MTUS2: variants seen among roughly 807,000 people sequenced by gnomAD.
MTUS2 encodes microtubule associated scaffold protein 2, also known as microtubule-associated tumor suppressor candidate 2.
MTUS2 carries 40 observed loss-of-function variants against 114.1 expected under a neutral mutation model. The ratio of observed to expected loss-of-function variants is 0.35; its 90% CI spans 0.27 to 0.46. MTUS2 has a LOEUF of 0.46. MTUS2 is among the 20% of genes least tolerant of loss of function. MTUS2 has a pLI of 1.00. For missense variants in MTUS2, 1,679 were observed against 1,705.4 expected (o/e 0.98, Z 0.27); for synonymous variants, 688 against 672.0 (o/e 1.02, Z -0.37).
At chr13:29,210,769 G>A (rs978330720) in intron 5 of MTUS2, among the ~76,000 whole-genome samples, 1 of 152,198 alleles carries the variant, frequency 6.6e-6, no homozygotes, top group African/African-American at 2.4e-5. Flanking sequence ...AGAGTCCTCT[G>A]ATGTCATCTG....
intron 2 of MTUS2, among the ~76,000 whole-genome samples, chr13:29,011,203 T>G (rs989970597): frequency 5.9e-5 from 9 of 152,182 alleles, no homozygotes; most frequent in African/African-American, 2.2e-4. Context: ...CTAAAGCGAT[T>G]TTTATATATT....
intron 2 of MTUS2, among the ~76,000 whole-genome samples, chr13:28,850,883 A>G (rs952184290): frequency 6.6e-6 from 1 of 152,110 alleles, no homozygotes; most frequent in Non-Finnish European, 1.5e-5. Context: ...ATTTACCTTG[A>G]TTTTTGCATT....
At chr13:29,034,413 T>C (rs1886969229) in intron 4 of MTUS2, among the ~76,000 whole-genome samples, 1 of 152,192 alleles carries the variant, frequency 6.6e-6, no homozygotes, top group Admixed American at 6.5e-5. Context: ...TTGTTTTCTG[T>C]CAAGGGCCAA....
At chr13:29,007,806 T>C (rs555792584) in intron 2 of MTUS2, among the ~76,000 whole-genome samples, 5 of 152,336 alleles carry the variant, frequency 3.3e-5, no homozygotes, top group South Asian at 4.1e-4. Flanking sequence ...ATACAAAATA[T>C]ATGGTAATCA....
intron 7 of MTUS2, among the ~76,000 whole-genome samples, chr13:29,356,031 G>T (rs1301371759): frequency 6.6e-6 from 1 of 152,150 alleles, no homozygotes; most frequent in Non-Finnish European, 1.5e-5. Flanking sequence ...GGTTCTGGCT[G>T]CCTGCATGGT....
At chr13:29,010,123 ATCGCTGGAAC>A (rs1006680063) in intron 2 of MTUS2, among the ~76,000 whole-genome samples, 15 of 151,552 alleles carry the variant, frequency 9.9e-5, no homozygotes, top group African/African-American at 3.6e-4. Flanking sequence ...AGGCAGGAGA[ATCGCTGGAAC>A]CCAGGAGGTG....
At chr13:29,325,373 T>A (rs1476900029) in intron 7 of MTUS2, among the ~76,000 whole-genome samples, 2 of 151,180 alleles carry the variant, frequency 1.3e-5, no homozygotes, top group Admixed American at 1.3e-4. Context: ...GGAGAATCAC[T>A]TGAACTCGAG....
intron 9 of MTUS2, among the ~76,000 whole-genome samples, chr13:29,451,554 G>A (rs1380225499): frequency 6.6e-6 from 1 of 151,836 alleles, no homozygotes; most frequent in Non-Finnish European, 1.5e-5. Flanking sequence ...TTTGAAAGAA[G>A]GTTTAGATTT....
Position 28,985,163 on chromosome 13 carries a change from A to G in MTUS2, c.-242-39294A>G, listed in dbSNP as rs577204106. 1.2e-4 allele frequency among the ~76,000 whole-genome samples: 18 copies of G among 152,392 alleles called. No homozygotes were observed. In the South Asian group the frequency reaches 3.1e-3, roughly 26 times the overall value. On this transcript the variant is annotated intron_variant, in intron 2 of 15. Transcript: ENST00000612955. Reference sequence around the variant, plus strand: ...CTGAGAGAACTATATGTCAGTGTCCAGAAATATATATGGACATTCCCAGAT... The same window carrying G: ...CTGAGAGAACTATATGTCAGTGTCCGGAAATATATATGGACATTCCCAGAT...
chr13:29,140,981 A>AG lies in MTUS2; in HGVS notation c.2644+40015dup, dbSNP rs960213470. Among the ~76,000 whole-genome samples the AG allele has an allele frequency of 1.2e-4, 18 of 152,344 alleles. No individual in the cohort carries two copies. The East Asian group carries it at 3.3e-3, about 28-fold the overall frequency. ...TTAGGAGGGGTAAAGAAATAGCCTT[A>AG]GGGGTCCCCTGACCCCTTCCACCAT... On this transcript the variant is annotated intron_variant, in intron 5 of 15. Coordinates refer to ENST00000612955, the MANE Select transcript of MTUS2 (RefSeq NM_001033602.4).
chr13:29,344,694 C>T (rs1231731428), intron 7 of MTUS2, among the ~76,000 whole-genome samples: 1 of 152,136 alleles, frequency 6.6e-6, no homozygotes, highest in African/African-American at 2.4e-5. Context: ...ACTCATTATG[C>T]AGGTTGTTGC....
rs577058244 is a variant in MTUS2, at chr13:28,923,516, T to C, written c.-243+83666T>C. Among the ~76,000 whole-genome samples, 11 of 152,340 alleles carry C rather than the reference T, an allele frequency of 7.2e-5. No homozygotes were observed. In the East Asian group the frequency reaches 1.9e-3, roughly 27 times the overall value. On this transcript the variant is annotated intron_variant, in intron 2 of 15. Transcript: ENST00000612955. Reference sequence around the variant, plus strand: ...AGACTGTTTGGTGTATCTCATGCCATTGATGCTCCCTCTGGTCCCTGCTGG... The same window carrying C: ...AGACTGTTTGGTGTATCTCATGCCACTGATGCTCCCTCTGGTCCCTGCTGG...
chr13:29,454,919 G>A (rs1398447433), intron 9 of MTUS2, among the ~76,000 whole-genome samples: 2 of 152,166 alleles, frequency 1.3e-5, no homozygotes. Flanking sequence ...GTTACTGGAT[G>A]TGATAACCAC....
At chr13:29,137,943 T>C (rs888920756) in intron 5 of MTUS2, among the ~76,000 whole-genome samples, 3 of 152,178 alleles carry the variant, frequency 2.0e-5, no homozygotes, top group African/African-American at 7.2e-5. Context: ...GAAAAAGGCA[T>C]TGGCCTTTCA....
In MTUS2 at chr13:29,389,943, ATATGTG is replaced by A. The variant is rs1297632170; in HGVS notation, c.3117+30480_3117+30485del. Among the ~76,000 whole-genome samples the A allele has an allele frequency of 3.8e-5, 5 of 131,344 alleles. 1 individual carries two copies. The highest frequency in any genetic ancestry group is 1.4e-4 in the African/African-American group (4 of 29,464). The allele number at this position is 131,344 out of a possible 152,430, so 86.2% of individuals were successfully genotyped here. On this transcript the variant is annotated intron_variant, in intron 8 of 15. Transcript: ENST00000612955. Reference sequence around the variant, plus strand: ...TATGTATATGTGTATATATGTATGTATATGTGTATGTGTATATATCTGTGTATATAC... The same window carrying A: ...TATGTATATGTGTATATATGTATGTATATGTGTATATATCTGTGTATATAC...
At chr13:28,878,219 ATG>A (rs1555269799) in intron 2 of MTUS2, among the ~76,000 whole-genome samples, 37 of 147,448 alleles carry the variant, frequency 2.5e-4, no homozygotes, top group Non-Finnish European at 4.9e-4. Context: ...ATATATATAT[ATG>A]TGTGTGTGTG....
At chr13:28,914,637 T>C (rs1330723797) in intron 2 of MTUS2, among the ~76,000 whole-genome samples, 3 of 152,056 alleles carry the variant, frequency 2.0e-5, no homozygotes, top group Non-Finnish European at 2.9e-5. Context: ...GTCCTGAATA[T>C]CTTTGTTAAT....
At chr13:29,354,490 T>C (rs760816051) in intron 7 of MTUS2, among the ~76,000 whole-genome samples, 23 of 152,212 alleles carry the variant, frequency 1.5e-4, no homozygotes, top group Admixed American at 1.2e-3. Context: ...TTTTATCTTG[T>C]CTAGAGAGTG....
At chr13:28,876,695 C>T (rs531736938) in intron 2 of MTUS2, among the ~76,000 whole-genome samples, 72 of 152,190 alleles carry the variant, frequency 4.7e-4, no homozygotes, top group Non-Finnish European at 8.1e-4. Context: ...ACCCTTGGAT[C>T]GGTCAGACCC....
Sources: gnomAD v4.1 joint callset for allele counts (sites outside exome capture counted in the v4.1 genomes callset) on GRCh38, gnomAD v4.1.1 for gene constraint, MANE v1.5 for transcripts, NCBI Gene and HGNC (gene_info 2026-07-23, HGNC 2026-07-21) for gene names.